The following FMNL2 variants were observed in gnomAD, a reference collection of about 807,000 sequenced individuals.
FMNL2 encodes the protein formin like 2.
FMNL2 carries 51 observed loss-of-function variants against 130.2 expected under a neutral mutation model. The ratio of observed to expected loss-of-function variants is 0.39; its 90% CI spans 0.31 to 0.49. The LOEUF is 0.49. FMNL2 is among the 20% of genes least tolerant of loss of function. The pLI is 0.85. For synonymous variants in FMNL2, 465 were observed against 467.1 expected (o/e 1.00, Z 0.06); for missense variants, 977 against 1,316.2 (o/e 0.74, Z 3.99).
At chr2:152,549,243 C>G in intron 4 of FMNL2, 146 bp downstream of exon 4, 1 of 493,738 alleles carries the variant, frequency 2.0e-6, no homozygotes, top group Non-Finnish European at 3.5e-6. Flanking sequence ...TGTTAGTACT[C>G]AAATTACTTA....
At chr2:152,366,644 G>A (rs548167586) in intron 1 of FMNL2, among the ~76,000 whole-genome samples, 29 of 152,226 alleles carry the variant, frequency 1.9e-4, no homozygotes, top group African/African-American at 6.7e-4. Flanking sequence ...TAGAGCTGTA[G>A]CTTGAAATGT....
chr2:152,483,114 T>C, intron 1 of FMNL2, among the ~76,000 whole-genome samples: 1 of 152,304 alleles, frequency 6.6e-6, no homozygotes, highest in African/African-American at 2.4e-5. Context: ...TTATGAATAG[T>C]CTTATTGCTG....
intron 1 of FMNL2, among the ~76,000 whole-genome samples, chr2:152,365,409 T>C (rs532469846): frequency 3.3e-5 from 5 of 152,210 alleles, no homozygotes; most frequent in African/African-American, 9.6e-5. Flanking sequence ...GTCAAACTTA[T>C]GTTTTAGAAA....
At chr2:152,640,153 C>A in intron 24 of FMNL2, 97 bp downstream of exon 24, 1 of 1,060,280 alleles carries the variant, frequency 9.4e-7, no homozygotes, top group Non-Finnish European at 1.3e-6. Flanking sequence ...CAGGTGTGCC[C>A]AGGATCCTGA....
At chr2:152,452,953 C>T (rs1688727958) in intron 1 of FMNL2, among the ~76,000 whole-genome samples, 1 of 152,090 alleles carries the variant, frequency 6.6e-6, no homozygotes, top group African/African-American at 2.4e-5. Flanking sequence ...CCTGTAATCC[C>T]AGCACTTTGG....
At chr2:152,420,032 A>G (rs979736631) in intron 1 of FMNL2, among the ~76,000 whole-genome samples, 1 of 152,238 alleles carries the variant, frequency 6.6e-6, no homozygotes, top group African/African-American at 2.4e-5. Context: ...AAGCTTGAGA[A>G]TAATTTAAAA....
chr2:152,611,697 C>T, intron 11 of FMNL2, 92 bp downstream of exon 11: 2 of 803,024 alleles, frequency 2.5e-6, no homozygotes, highest in Non-Finnish European at 4.1e-6. Flanking sequence ...CTAAAGAATG[C>T]CTAAAGCTCT....
chr2:152,616,761 G>T (rs1027277439), intron 12 of FMNL2, among the ~76,000 whole-genome samples: 1 of 152,118 alleles, frequency 6.6e-6, no homozygotes, highest in African/African-American at 2.4e-5. Context: ...CATGGAGTGG[G>T]GGATGGAGGT....
intron 1 of FMNL2, among the ~76,000 whole-genome samples, chr2:152,501,166 C>T (rs1691811223): frequency 6.6e-6 from 1 of 152,250 alleles, no homozygotes; most frequent in Non-Finnish European, 1.5e-5. Context: ...ACCCTGTGGG[C>T]CAGTAATTCC....
At chr2:152,643,285 C>G (rs1396876631) in intron 25 of FMNL2, 3 of 1,216,392 alleles carry the variant, frequency 2.5e-6, no homozygotes, top group African/African-American at 3.0e-5. Context: ...ATATTGCCTT[C>G]CCCCTTTCCT....
chr2:152,643,845 C>T, intron 25 of FMNL2: 2 of 985,398 alleles, frequency 2.0e-6, no homozygotes, highest in Non-Finnish European at 2.4e-6. Context: ...AGTATTGGTA[C>T]CAAGTAGATT....
chr2:152,472,005 C>G (rs1489557820), intron 1 of FMNL2, among the ~76,000 whole-genome samples: 3 of 152,190 alleles, frequency 2.0e-5, no homozygotes, highest in Admixed American at 6.5e-5. Context: ...CACATCTGCT[C>G]TAATCTGAGA....
intron 1 of FMNL2, among the ~76,000 whole-genome samples, chr2:152,455,446 G>A (rs920051579): frequency 6.6e-6 from 1 of 152,184 alleles, no homozygotes; most frequent in African/African-American, 2.4e-5. Context: ...GCACACAGGA[G>A]GGAGGAAAGC....
chr2:152,490,569 ATGTGTGTGTGTGTGTGTGTG>A (rs58838989), intron 1 of FMNL2, among the ~76,000 whole-genome samples: 2 of 108,518 alleles, frequency 1.8e-5, no homozygotes, highest in African/African-American at 3.5e-5. Context: ...TTGCTATCCA[ATGTGTGTGTGTGTGTGTGTG>A]TGTGTGTGTG....
intron 9 of FMNL2, among the ~76,000 whole-genome samples, chr2:152,582,496 T>C (rs1696849161): frequency 6.6e-6 from 1 of 152,106 alleles, no homozygotes; most frequent in Non-Finnish European, 1.5e-5. Flanking sequence ...AATATTATCT[T>C]TTTTTTTCTT....
chr2:152,495,274 A>C (rs1288044930), intron 1 of FMNL2, among the ~76,000 whole-genome samples: 3 of 152,148 alleles, frequency 2.0e-5, no homozygotes, highest in Non-Finnish European at 2.9e-5. Context: ...TTGAAGTATT[A>C]AGTACATATT....
intron 1 of FMNL2, among the ~76,000 whole-genome samples, chr2:152,457,193 A>G (rs1304817905): frequency 6.6e-6 from 1 of 152,164 alleles, no homozygotes; most frequent in Admixed American, 6.5e-5. Flanking sequence ...TGGTAAAAAA[A>G]AAAAAAAGTT....
At chr2:152,375,947 G>A (rs191653459) in intron 1 of FMNL2, among the ~76,000 whole-genome samples, 2 of 149,194 alleles carry the variant, frequency 1.3e-5, no homozygotes, top group East Asian at 2.0e-4. Flanking sequence ...AGGCTGTAGT[G>A]CAGTGATGTG....
chr2:152,559,074 T>C (rs6434099), intron 5 of FMNL2, among the ~76,000 whole-genome samples: 112,073 of 152,136 alleles, frequency 0.74, 41,528 homozygotes, highest in East Asian at 0.81. Flanking sequence ...AAGTAACGCT[T>C]TCTTTAGGGC....
Sources: allele counts gnomAD v4.1 joint callset (sites outside exome capture counted in the v4.1 genomes callset), GRCh38; gene constraint gnomAD v4.1.1; transcripts MANE v1.5; gene names NCBI Gene and HGNC (gene_info 2026-07-23, HGNC 2026-07-21).